ANKRD36: variants seen among roughly 807,000 people sequenced by gnomAD.
The protein encoded by ANKRD36 is ankyrin repeat domain 36.
In ANKRD36, 179 loss-of-function variants were observed where a neutral mutation model predicts 278.1. The observed-to-expected ratio is 0.64, with a 90% CI of 0.57 to 0.73. ANKRD36 has a LOEUF of 0.73. Among genes scored for constraint, ANKRD36 ranks in the 30% least tolerant of loss-of-function variants. ANKRD36 has a pLI of 0.00. For synonymous variants in ANKRD36, 320 were observed against 641.1 expected, an observed-to-expected ratio of 0.50 and a Z score of 7.57; for missense variants, 1,159 against 1,956.7, an observed-to-expected ratio of 0.59 and a Z score of 7.69.
intron 67 of ANKRD36, among the ~76,000 whole-genome samples, chr2:97,231,022 G>A (rs1223071145): frequency 6.6e-6 from 1 of 152,072 alleles, no homozygotes; most frequent in Non-Finnish European, 1.5e-5. Context: ...AGGAGTACCC[G>A]GCTGTGTGAG....
chr2:97,146,375 C>T (rs2044262687), intron 10 of ANKRD36, 111 bp from the exon 11 acceptor site: 2 of 873,490 alleles, frequency 2.3e-6, no homozygotes, highest in Admixed American at 3.1e-5. Flanking sequence ...TCTGCCTCAG[C>T]CTTTTGAGTA....
Position 97,123,444 on chromosome 2 carries a change from A to G in ANKRD36, c.593+451A>G, listed in dbSNP as rs1467691968. On this transcript the variant is annotated intron_variant, in intron 4 of 75. Coordinates refer to ENST00000420699, the MANE Select transcript of ANKRD36 (RefSeq NM_001354587.1). The stretch of plus-strand genomic sequence containing the variant: ...AGAAAAGATAGCTTTAAATGGATAA[A>G]ACTTTAATGAAGACAAGCTTTAGGT... 2.4e-5 allele frequency among the ~76,000 whole-genome samples: 2 copies of G among 82,862 alleles called. 1 individual carries two copies. Among genetic ancestry groups the G allele is most frequent in the Non-Finnish European group, 8.3e-5 (2 of 24,228 alleles). 54.4% of individuals were successfully genotyped at this position (82,862 alleles called of 152,430 possible).
In ANKRD36 at chr2:97,124,531, A is replaced by T. The variant is rs1574567849; in HGVS notation, c.665A>T (p.Asp222Val). 1 of 1,553,086 alleles carries T rather than the reference A, an allele frequency of 6.4e-7. No individual in the cohort carries two copies. The highest frequency in any genetic ancestry group is 2.4e-5 in the East Asian group (1 of 41,314). The stretch of plus-strand genomic sequence containing the variant: ...ATTCTTCTTCTGCAGCACAATATTG[A>T]TGTGCTTTCTCGAGATGCGTTTCGA... ...IVILLLQHNI[D>V]VLSRDAFRKI... The change falls in exon 5 of 76, where the codon GAT (aspartate) becomes GTT (valine). Residue 222 changes from aspartate to valine, a missense_variant. Physicochemically the swap from Asp to Val is radical, Grantham distance 152. Coordinates refer to ENST00000420699, the MANE Select transcript of ANKRD36 (RefSeq NM_001354587.1).
At chr2:97,143,780 C>T (rs2043522660) in intron 8 of ANKRD36, among the ~76,000 whole-genome samples, 1 of 152,252 alleles carries the variant, frequency 6.6e-6, no homozygotes, top group Non-Finnish European at 1.5e-5. Flanking sequence ...ATTTCAGTAA[C>T]TTTATTTTGT....
intron 6 of ANKRD36, among the ~76,000 whole-genome samples, chr2:97,132,516 G>C (rs556818395): frequency 6.6e-6 from 1 of 150,404 alleles, no homozygotes; most frequent in African/African-American, 2.4e-5. Context: ...GGAAATACAG[G>C]AATCTCAAAG....
intron 12 of ANKRD36, among the ~76,000 whole-genome samples, chr2:97,150,895 T>C (rs930034784): frequency 9.3e-5 from 12 of 128,654 alleles, no homozygotes; most frequent in South Asian, 2.9e-4. Flanking sequence ...TCTTTCCCCC[T>C]CTCTCTCTCT....
chr2:97,129,453 T>A (rs1178993110), intron 6 of ANKRD36, among the ~76,000 whole-genome samples: 2 of 152,136 alleles, frequency 1.3e-5, no homozygotes, highest in African/African-American at 2.4e-5. Flanking sequence ...TTTCTTTTGC[T>A]GTGCAGAAGC....
chr2:97,180,564 C>T (rs938649366), intron 24 of ANKRD36, among the ~76,000 whole-genome samples: 45 of 151,606 alleles, frequency 3.0e-4, no homozygotes, highest in African/African-American at 8.9e-4. Context: ...GTGCTAGAAT[C>T]GGGATAAACC....
At chr2:97,199,981 G>A (rs1178241529) in intron 44 of ANKRD36, among the ~76,000 whole-genome samples, 6 of 151,870 alleles carry the variant, frequency 4.0e-5, no homozygotes, top group African/African-American at 1.4e-4. Context: ...GGATCATGTA[G>A]CACCTGTTTT....
In ANKRD36 at chr2:97,205,022, A is replaced by T. The variant is rs185126798; in HGVS notation, c.3061+759A>T. On this transcript the variant is annotated intron_variant, in intron 50 of 75. Transcript: ENST00000420699. ...CATTGGCTTCTTTGTTCAAGGAGCT[A>T]CCTCTTGGATAAAATAGCTGTTTAA... Among the ~76,000 whole-genome samples the T allele has an allele frequency of 1.3e-3, 200 of 151,596 alleles. 1 individual carries two copies. The highest frequency in any genetic ancestry group is 4.5e-3 in the African/African-American group (187 of 41,478).
chr2:97,220,410 G>A (rs2067093112), intron 66 of ANKRD36, among the ~76,000 whole-genome samples: 1 of 150,620 alleles, frequency 6.6e-6, no homozygotes, highest in South Asian at 2.2e-4. Flanking sequence ...CTAGACTGTG[G>A]TAATGGTGAT....
At chr2:97,206,506 C>CAGAAAACTTG (rs1341077434) in intron 52 of ANKRD36, among the ~76,000 whole-genome samples, 2 of 151,364 alleles carry the variant, frequency 1.3e-5, no homozygotes, top group Admixed American at 1.3e-4. Flanking sequence ...TAAAAACAGA[C>CAGAAAACTTG]AGAAAACTTG....
chr2:97,118,433 T>G lies in ANKRD36; in HGVS notation c.402T>G (p.Ala134=). The change falls in exon 3 of 76, where the codon GCT becomes GCG. Residue 134 remains alanine, a synonymous_variant. Coordinates refer to ENST00000420699, the MANE Select transcript of ANKRD36 (RefSeq NM_001354587.1). ...PNITDFFGRT[A]LHYAVYNEDT... is the part of the protein sequence containing the mutation. ...TTACGGATTTCTTTGGAAGGACTGCTCTGCACTACGCTGTGTATAATGAAG... is the reference window on the plus strand; with the variant it reads ...TTACGGATTTCTTTGGAAGGACTGCGCTGCACTACGCTGTGTATAATGAAG... 6.2e-7 allele frequency: 1 copy of G among 1,607,118 alleles called. No individual in the cohort carries two copies. The highest frequency in any genetic ancestry group is 8.5e-7 in the Non-Finnish European group (1 of 1,177,636).
intron 5 of ANKRD36, among the ~76,000 whole-genome samples, chr2:97,125,285 C>G (rs1361161861): frequency 6.6e-6 from 1 of 150,992 alleles, no homozygotes; most frequent in Non-Finnish European, 1.5e-5. Context: ...TTTTTTAGTT[C>G]AGTTGCACAT....
intron 20 of ANKRD36, among the ~76,000 whole-genome samples, chr2:97,167,004 A>G (rs941732583): frequency 6.6e-6 from 1 of 151,878 alleles, no homozygotes; most frequent in Non-Finnish European, 1.5e-5. Context: ...GATGTTTCAA[A>G]TATTTTGGTT....
At chr2:97,180,255 C>T (rs1467729725) in intron 24 of ANKRD36, among the ~76,000 whole-genome samples, 4 of 151,456 alleles carry the variant, frequency 2.6e-5, no homozygotes, top group Admixed American at 2.0e-4. Context: ...GAAAAGAGAA[C>T]GAGATGAAGT....
At chr2:97,176,856 A>G (rs569554107) in intron 22 of ANKRD36, among the ~76,000 whole-genome samples, 1,861 of 151,818 alleles carry the variant, frequency 0.012, 35 homozygotes, top group African/African-American at 0.042. Flanking sequence ...GCTTGTCTGT[A>G]AAGTATTTTA....
At chr2:97,179,416 T>C (rs1240896618) in intron 22 of ANKRD36, among the ~76,000 whole-genome samples, 1 of 151,662 alleles carries the variant, frequency 6.6e-6, no homozygotes, top group Non-Finnish European at 1.5e-5. Flanking sequence ...TGAGTTGGAC[T>C]CTGATTTTAG....
At position 97,194,852 on chromosome 2, in the gene ANKRD36, G is replaced by C. The variant is rs754026472; in HGVS notation, c.2486G>C (p.Ser829Thr). Residue 829 changes from serine (S) to threonine (T), a missense_variant, in exon 40 of 76, where the codon AGT (serine) becomes ACT (threonine). Coordinates refer to ENST00000420699, the MANE Select transcript of ANKRD36 (RefSeq NM_001354587.1). ...GTTTCAAATTCCACTCAGGCTACAA[G>C]TGATGAGAAGGATTCTTTTTCGAAT... ...SRKKPALKAT[S>T]DEKDSFSNIT... 6.3e-6 allele frequency: 10 copies of C among 1,588,012 alleles called. 1 individual carries two copies. In the South Asian group the frequency reaches 1.0e-4, roughly 16 times the overall value.
Sources: gnomAD v4.1 joint callset for allele counts (sites outside exome capture counted in the v4.1 genomes callset) on GRCh38, gnomAD v4.1.1 for gene constraint, MANE v1.5 for transcripts, NCBI Gene and HGNC (gene_info 2026-07-23, HGNC 2026-07-21) for gene names.